Variants in FREM2 observed in about 807,000 individuals in gnomAD.
The protein encoded by FREM2 is FRAS1 related extracellular matrix 2.
In FREM2, 119 loss-of-function variants were observed where a neutral mutation model predicts 219.9. The ratio of observed to expected loss-of-function variants is 0.54; its 90% CI spans 0.47 to 0.63. FREM2 has a LOEUF of 0.63. FREM2 is among the 30% of genes least tolerant of loss of function. FREM2 has a pLI of 0.00. For synonymous variants in FREM2, 1,562 were observed against 1,522.8 expected, an observed-to-expected ratio of 1.03 and a Z score of -0.60; for missense variants, 4,030 against 3,993.6, an observed-to-expected ratio of 1.01 and a Z score of -0.25.
chr13:38,742,154 C>T (rs1484175459), intron 2 of FREM2, among the ~76,000 whole-genome samples: 1 of 152,166 alleles, frequency 6.6e-6, no homozygotes, highest in Non-Finnish European at 1.5e-5. Flanking sequence ...AGGTATTGAG[C>T]CTGTCTTTAC....
At chr13:38,709,869 C>T (rs57339935) in intron 2 of FREM2, among the ~76,000 whole-genome samples, 121 of 151,988 alleles carry the variant, frequency 8.0e-4, no homozygotes, top group African/African-American at 2.8e-3. Flanking sequence ...GATGGCCGGG[C>T]GCGGTGGCTC....
intron 6 of FREM2, among the ~76,000 whole-genome samples, chr13:38,829,711 T>G (rs1429632546): frequency 1.3e-5 from 2 of 151,344 alleles, no homozygotes; most frequent in East Asian, 3.9e-4. Flanking sequence ...AGCCCATTCC[T>G]CTATGAATAA....
intron 2 of FREM2, among the ~76,000 whole-genome samples, chr13:38,720,142 CCCACAGCTAGTCTTAGCTG>C (rs1340178938): frequency 6.6e-6 from 1 of 152,136 alleles, no homozygotes; most frequent in Non-Finnish European, 1.5e-5. Flanking sequence ...TGTCATTTGG[CCCACAGCTAGTCTTAGCTG>C]TGGGATTTCC....
Position 38,692,007 on chromosome 13 carries a change from G to A in FREM2, c.4663G>A (p.Glu1555Lys), listed in dbSNP as rs749860921. ...TGAAAACAAGCTGATTACTCCTTTT[G>A]AGCTCACTGTCGAAGACAGAGATAC... ...ESENKLITPF[E>K]LTVEDRDTPD... Residue 1555 changes from glutamate (E) to lysine (K), a missense_variant, in exon 1 of 24, where the codon GAG becomes AAG. This residue lies in a region of FREM2 where 3,102 missense variants were observed against 2,950.7 expected (regional missense o/e 1.05). Transcript: ENST00000280481. 6.2e-7 allele frequency: 1 copy of A among 1,614,216 alleles called. No individual in the cohort carries two copies. The highest frequency in any genetic ancestry group is 8.5e-7 in the Non-Finnish European group (1 of 1,180,048).
At chr13:38,870,078 A>G (rs1307581464) in intron 16 of FREM2, among the ~76,000 whole-genome samples, 1 of 152,242 alleles carries the variant, frequency 6.6e-6, no homozygotes, top group African/African-American at 2.4e-5. Context: ...AATTTTGGAA[A>G]AGTAAACAAA....
Position 38,848,534 on chromosome 13 carries a change from T to C in FREM2, c.6243T>C (p.Val2081=), listed in dbSNP as rs1224780315. Residue 2081 remains valine (V), a synonymous_variant, in exon 8 of 24, where the codon GTT becomes GTC. Coordinates refer to ENST00000280481, the MANE Select transcript of FREM2 (RefSeq NM_207361.6). ...GAGTCAACATGCAGCCTGTTCGTGT[T>C]GTCATTCTGGATGACCTTGGACAAC... The part of the protein sequence containing the change: ...APGVNMQPVR[V]VILDDLGQPA... 4 of 1,614,138 alleles carry C rather than the reference T, an allele frequency of 2.5e-6. No individual in the cohort carries two copies. The highest frequency in any genetic ancestry group is 3.4e-6 in the Non-Finnish European group (4 of 1,179,986).
rs765453029 is a variant in FREM2 at position 38,850,253 on chromosome 13, A to C, written c.6577+18A>C. 6.2e-7 allele frequency: 1 copy of C among 1,611,990 alleles called. No individual in the cohort carries two copies. Among genetic ancestry groups the C allele is most frequent in the East Asian group, 2.2e-5 (1 of 44,796 alleles). Reference sequence around the variant, plus strand: ...CCTCCCTGGTAAGCTTGAACTTGAAATTTTTTCGTGAAATTTGAAGAAGCC... The same window carrying C: ...CCTCCCTGGTAAGCTTGAACTTGAACTTTTTTCGTGAAATTTGAAGAAGCC... On this transcript the variant is annotated intron_variant, in intron 9 of 23. Transcript: ENST00000280481.
rs781035336 is a variant in FREM2, at chr13:38,864,541, G to A, written c.7918G>A (p.Val2640Ile). 1.1e-5 allele frequency: 17 copies of A among 1,614,222 alleles called. No individual in the cohort carries two copies. The Middle Eastern group carries it at 8.2e-4, about 78-fold the overall frequency. The part of the protein sequence containing the change: ...LNLEACLWEF[V>I]SYYDMSELLA... ...CCTAGAGGCCTGTTTATGGGAGTTC[G>A]TTAGCTACTATGACATGTCAGAACT... The change falls in exon 16 of 24, where the codon GTT (valine) becomes ATT (isoleucine). Residue 2640 changes from valine to isoleucine, a missense_variant. Transcript: ENST00000280481.
At chr13:38,740,869 C>T (rs1872214747) in intron 2 of FREM2, among the ~76,000 whole-genome samples, 1 of 152,206 alleles carries the variant, frequency 6.6e-6, no homozygotes, top group Non-Finnish European at 1.5e-5. Context: ...GACTTGCTCA[C>T]TACTCTTGAC....
chr13:38,691,339 T>C lies in FREM2; in HGVS notation c.3995T>C (p.Leu1332Ser). ...AACAAAATATTAATGGCAACAGATTTAGATTCAGAAGACAAATCTTTGGTT... is the reference window on the plus strand; with the variant it reads ...AACAAAATATTAATGGCAACAGATTCAGATTCAGAAGACAAATCTTTGGTT... ...INNKILMATD[L>S]DSEDKSLVYI... The change falls in exon 1 of 24, where the codon TTA (leucine) becomes TCA (serine). Residue 1332 changes from leucine to serine, a missense_variant. Physicochemically the swap from Leu to Ser is moderately radical, Grantham distance 145 (BLOSUM62 -2). Around this residue, in one of 2 missense-constraint regions of FREM2, gnomAD observed 3,102 missense variants for 2,950.7 expected, o/e 1.05. Transcript: ENST00000280481. The C allele has an allele frequency of 6.2e-7, 1 of 1,614,030 alleles. No individual in the cohort carries two copies.
chr13:38,750,894 A>G lies in FREM2; in HGVS notation c.5264-13410A>G, dbSNP rs867017203. On this transcript the variant is annotated intron_variant, in intron 2 of 23. Transcript: ENST00000280481. ...TTTTTAGTAGAGATGGGATTTTGCC[A>G]TATTGGCCAGGCTGGTCTTGAACTC... 3.0e-4 allele frequency among the ~76,000 whole-genome samples: 45 copies of G among 152,240 alleles called. No individual in the cohort carries two copies. In the Middle Eastern group the frequency reaches 0.014, roughly 46 times the overall value.
At chr13:38,702,192 A>G (rs1467491160) in intron 2 of FREM2, among the ~76,000 whole-genome samples, 1 of 152,160 alleles carries the variant, frequency 6.6e-6, no homozygotes, top group Non-Finnish European at 1.5e-5. Context: ...GAAATTAACT[A>G]AATCAACTGC....
chr13:38,734,613 C>T (rs1307880168), intron 2 of FREM2, among the ~76,000 whole-genome samples: 1 of 151,990 alleles, frequency 6.6e-6, no homozygotes, highest in Non-Finnish European at 1.5e-5. Context: ...AAATTTAAAG[C>T]ATTCATTCAT....
chr13:38,741,185 A>G (rs1297150545), intron 2 of FREM2, among the ~76,000 whole-genome samples: 5 of 152,182 alleles, frequency 3.3e-5, no homozygotes, highest in Non-Finnish European at 7.4e-5. Context: ...TGTTTCTTCC[A>G]CTAAAACACA....
rs1593340032 is a variant in FREM2 at position 38,688,173 on chromosome 13, A to G, written c.829A>G (p.Arg277Gly). 6.2e-7 allele frequency: 1 copy of G among 1,613,626 alleles called. No individual in the cohort carries two copies. The highest frequency in any genetic ancestry group is 2.2e-5 in the East Asian group (1 of 44,842). Residue 277 changes from arginine (R) to glycine (G), a missense_variant, in exon 1 of 24, where the codon AGG becomes GGG. Physicochemically the swap from Arg to Gly is moderately radical, Grantham distance 125. Coordinates refer to ENST00000280481, the MANE Select transcript of FREM2 (RefSeq NM_207361.6). ...CACAGCCGCCAGTCGCTCACCAAAC[A>G]GGGACTGGATACCCATGGTGGTGGA... ...RHTAASRSPNRDWIPMVVELR... is the reference protein window; with the variant it reads ...RHTAASRSPNGDWIPMVVELR...
chr13:38,704,796 A>T (rs911965996), intron 2 of FREM2, among the ~76,000 whole-genome samples: 4 of 152,194 alleles, frequency 2.6e-5, no homozygotes, highest in Non-Finnish European at 5.9e-5. Context: ...GGCCTCAGGA[A>T]ACTTACAATC....
chr13:38,880,307 T>C lies in FREM2; in HGVS notation c.9030T>C (p.Tyr3010=). ...AGGTCGCTCTAGGCCGAGAATGGTA[T>C]ATACATACGATCTATACAGTGAGAT... ...LFQVALGREW[Y]IHTIYTVRSK... Residue 3010 remains tyrosine (Y), a synonymous_variant, in exon 24 of 24, where the codon TAT becomes TAC. Transcript: ENST00000280481. 1.9e-6 allele frequency: 3 copies of C among 1,614,032 alleles called. No homozygotes were observed. The highest frequency in any genetic ancestry group is 1.7e-4 in the Middle Eastern group (1 of 6,050).
intron 16 of FREM2, among the ~76,000 whole-genome samples, chr13:38,872,508 T>C (rs1293253646): frequency 1.3e-5 from 2 of 152,220 alleles, no homozygotes; most frequent in Non-Finnish European, 2.9e-5. Flanking sequence ...TAATGCACTG[T>C]CTTAAGGATT....
chr13:38,784,923 T>C (rs1874267828), intron 6 of FREM2, 115 bp downstream of exon 6: 3 of 1,184,596 alleles, frequency 2.5e-6, no homozygotes, highest in South Asian at 1.5e-5. Context: ...ATTTATTTTA[T>C]GTTTGGTTTT....
Sources: allele counts gnomAD v4.1 joint callset (sites outside exome capture counted in the v4.1 genomes callset), GRCh38; gene constraint gnomAD v4.1.1; regional missense constraint gnomAD v4.1.1; transcripts MANE v1.5; gene names NCBI Gene and HGNC (gene_info 2026-07-23, HGNC 2026-07-21).